Variants in PCDHGA3 observed in about 807,000 individuals in gnomAD.
PCDHGA3 encodes the protein protocadherin gamma subfamily A, 3.
Under a neutral mutation model 58.5 loss-of-function variants are expected in PCDHGA3, and 40 were observed. The observed-to-expected ratio is 0.68, with a 90% CI of 0.53 to 0.89. The LOEUF (loss-of-function observed/expected upper bound fraction) is 0.89. Ranked by LOEUF, PCDHGA3 falls within the 40% of genes least tolerant of loss-of-function variation. The pLI, the probability that PCDHGA3 is intolerant of heterozygous loss-of-function variation, is 0.00. For synonymous variants in PCDHGA3, 530 were observed against 525.7 expected (o/e 1.01, Z -0.11); for missense variants, 1,223 against 1,195.9 (o/e 1.02, Z -0.33).
intron 1 of PCDHGA3, chr5:141,417,840 A>G (rs2096168680): frequency 2.0e-6 from 3 of 1,536,422 alleles, no homozygotes; most frequent in African/African-American, 2.8e-5. Context: ...GCGGGGACCC[A>G]GCGAGAACCC....
intron 1 of PCDHGA3, chr5:141,366,971 C>T (rs1764884067): frequency 3.5e-6 from 2 of 572,978 alleles, no homozygotes; most frequent in Admixed American, 7.6e-5. Flanking sequence ...GAAACAAATA[C>T]CTTAAAGGAA....
Position 141,485,330 on chromosome 5 carries a change from C to T in PCDHGA3, c.2425-9477C>T. On this transcript the variant is annotated intron_variant, in intron 1 of 3. Transcript: ENST00000253812. This position sits in a 1 kb window ranked among gnomAD's most constrained non-coding sequence, Gnocchi z 5.7. ...TGTAGGGAATGTCGCTCAAGATTTC[C>T]TGCTGGATACGGACAGTCTGTCAGC... 6.2e-7 allele frequency: 1 copy of T among 1,614,164 alleles called. No individual in the cohort carries two copies. Among genetic ancestry groups the T allele is most frequent in the East Asian group, 2.2e-5 (1 of 44,862 alleles).
intron 1 of PCDHGA3, chr5:141,356,995 G>T (rs372951385): frequency 4.3e-6 from 7 of 1,614,184 alleles, no homozygotes; most frequent in East Asian, 2.2e-5. Context: ...CAGAGACTCA[G>T]GTCAGAATGC....
intron 1 of PCDHGA3, chr5:141,350,444 C>T (rs1238234703): frequency 6.2e-7 from 1 of 1,610,540 alleles, no homozygotes; most frequent in African/African-American, 1.3e-5. Flanking sequence ...GTTGCCAACT[C>T]GAAAACTGCG....
rs762232178 is a variant in PCDHGA3 at position 141,355,403 on chromosome 5, C to G, written c.2424+8946C>G. 45 of 1,613,938 alleles carry G rather than the reference C, an allele frequency of 2.8e-5. No homozygotes were observed. Among genetic ancestry groups the G allele is most frequent in the Non-Finnish European group, 3.6e-5 (43 of 1,179,932 alleles). On this transcript the variant is annotated intron_variant, in intron 1 of 3. Transcript: ENST00000253812. ...GCGGAGCGCGGAGTCCGCATCGTCT[C>G]CAGAGGTAGGACGCAGCTTTTCGCC...
chr5:141,414,311 ACT>A (rs1421551588), intron 1 of PCDHGA3: 5 of 1,613,710 alleles, frequency 3.1e-6, no homozygotes, highest in Non-Finnish European at 4.2e-6. Flanking sequence ...CATGATTTAG[ACT>A]CTGAGCAGAA....
intron 1 of PCDHGA3, chr5:141,389,583 C>T: frequency 1.2e-6 from 2 of 1,613,188 alleles, no homozygotes; most frequent in Non-Finnish European, 1.7e-6. Flanking sequence ...CGCGCTGGGT[C>T]CCGACGGCTC....
intron 1 of PCDHGA3, chr5:141,395,176 A>G (rs750497200): frequency 1.1e-5 from 18 of 1,614,206 alleles, no homozygotes; most frequent in East Asian, 8.9e-5. Flanking sequence ...TGTGAGAAAA[A>G]TGATTCTTTG....
intron 1 of PCDHGA3, among the ~76,000 whole-genome samples, chr5:141,373,364 G>A (rs576808182): frequency 3.3e-5 from 5 of 152,214 alleles, no homozygotes; most frequent in Non-Finnish European, 7.3e-5. Flanking sequence ...GCACTGTAAT[G>A]AATTGGTTCA....
intron 1 of PCDHGA3, chr5:141,399,194 C>T (rs770516092): frequency 1.2e-6 from 2 of 1,613,838 alleles, no homozygotes; most frequent in South Asian, 1.1e-5. Context: ...CTGGAAAACG[C>T]GGTGCCTGGA....
intron 1 of PCDHGA3, among the ~76,000 whole-genome samples, chr5:141,443,728 C>A (rs1434984241): frequency 1.3e-5 from 2 of 152,060 alleles, no homozygotes; most frequent in African/African-American, 2.4e-5. Flanking sequence ...ATTCCTCATA[C>A]ATTTCCCTAT....
chr5:141,367,311 G>A (rs1390904308), intron 1 of PCDHGA3: 2 of 152,784 alleles, frequency 1.3e-5, no homozygotes, highest in Middle Eastern at 3.4e-3. Flanking sequence ...GGCTGAGGTG[G>A]GCGGATCACG....
intron 1 of PCDHGA3, among the ~76,000 whole-genome samples, chr5:141,467,305 G>A (rs535466592): frequency 1.3e-5 from 2 of 152,078 alleles, no homozygotes; most frequent in African/African-American, 4.8e-5. Flanking sequence ...CACTCACCTC[G>A]GCCTCCCACA....
intron 1 of PCDHGA3, chr5:141,357,299 T>C (rs776226877): frequency 1.1e-5 from 18 of 1,613,846 alleles, no homozygotes; most frequent in Non-Finnish European, 1.1e-5. Flanking sequence ...GTGGCCGCTG[T>C]CTCCTGCGTC....
chr5:141,348,006 G>T (rs536087157), intron 1 of PCDHGA3, among the ~76,000 whole-genome samples: 2 of 152,138 alleles, frequency 1.3e-5, no homozygotes, highest in African/African-American at 4.8e-5. Context: ...CAGCCTCTGC[G>T]GGAGATTTCC....
In PCDHGA3 at chr5:141,485,576, C is replaced by T. The variant is rs1347032247; in HGVS notation, c.2425-9231C>T. ...GAATGATCACGCCCCCCGTTTTCCG[C>T]GGCAGCAGCTGGACTTGGAAATTGG... On this transcript the variant is annotated intron_variant, in intron 1 of 3. Transcript: ENST00000253812. The surrounding 1 kb of genome is among the most constrained non-coding windows in gnomAD (Gnocchi z 5.7). 21 of 1,612,296 alleles carry T rather than the reference C, an allele frequency of 1.3e-5. 1 individual carries two copies. Among genetic ancestry groups the T allele is most frequent in the Non-Finnish European group, 1.8e-5 (21 of 1,178,636 alleles).
chr5:141,503,654 G>C (rs1248501987), intron 2 of PCDHGA3, among the ~76,000 whole-genome samples: 1 of 150,388 alleles, frequency 6.6e-6, no homozygotes, highest in Non-Finnish European at 1.5e-5. Flanking sequence ...AATGGAAACA[G>C]AATTACAACT....
intron 1 of PCDHGA3, among the ~76,000 whole-genome samples, chr5:141,406,328 C>T (rs1235799294): frequency 1.3e-5 from 2 of 152,062 alleles, no homozygotes; most frequent in Non-Finnish European, 2.9e-5. Context: ...ATTCTTACTC[C>T]TACGATCATT....
chr5:141,417,821 A>G (rs769813917), intron 1 of PCDHGA3: 1 of 1,514,942 alleles, frequency 6.6e-7, no homozygotes, highest in African/African-American at 1.4e-5. Flanking sequence ...ACTTTCTCCA[A>G]CTGGAAAAGC....
Sources: allele counts gnomAD v4.1 joint callset (sites outside exome capture counted in the v4.1 genomes callset), GRCh38; gene constraint gnomAD v4.1.1; non-coding constraint Gnocchi (gnomAD v3.1); transcripts MANE v1.5; gene names NCBI Gene and HGNC (gene_info 2026-07-23, HGNC 2026-07-21).